FANCD2: variants seen among roughly 807,000 people sequenced by gnomAD.
The protein encoded by FANCD2 is Fanconi anemia group D2 protein.
A neutral mutation model predicts 192.3 loss-of-function variants in FANCD2; 131 were observed. The ratio of observed to expected loss-of-function variants is 0.68; its 90% CI spans 0.59 to 0.79. FANCD2 has a LOEUF of 0.79. Among genes scored for constraint, FANCD2 ranks in the 30% least tolerant of loss-of-function variants. The pLI, the probability that FANCD2 is intolerant of heterozygous loss-of-function variation, is 0.00. For synonymous variants in FANCD2, 524 were observed against 612.5 expected (o/e 0.86, Z 2.13); for missense variants, 1,508 against 1,701.6 (o/e 0.89, Z 2.00).
intron 24 of FANCD2, 136 bp downstream of exon 24, chr3:10,065,630 C>A: frequency 1.3e-6 from 1 of 748,468 alleles, no homozygotes; most frequent in Non-Finnish European, 2.4e-6. Context: ...ATTGGAATTC[C>A]AAAGACAAAA....
chr3:10,058,031 A>G, intron 18 of FANCD2: 2 of 467,962 alleles, frequency 4.3e-6, no homozygotes, highest in Middle Eastern at 5.4e-4. Context: ...TGCCTTCTTA[A>G]TTCCGGCAAA....
In FANCD2 at chr3:10,086,146, A is replaced by G. The variant is rs35668731; in HGVS notation, c.3335+224A>G. Among the ~76,000 whole-genome samples, 604 of 152,372 alleles carry G rather than the reference A, an allele frequency of 4.0e-3. 17 individuals carry two copies. The South Asian group carries it at 0.058, about 15-fold the overall frequency. ...TAAATCTTCATGAATGCATCAGCCC[A>G]TAAACTCAGCCTTTTCAAGTAATAA... On this transcript the variant is annotated intron_variant, in intron 33 of 43. Transcript: ENST00000675286.
rs755748094 is a variant in FANCD2, at chr3:10,085,877, G to A, written c.3290G>A (p.Arg1097Gln). The change falls in exon 33 of 44, where the codon CGA becomes CAA. Residue 1097 changes from arginine to glutamine, a missense_variant. Arg to Gln is a conservative substitution (Grantham distance 43, BLOSUM62 1). Transcript: ENST00000675286. ...TCAGCCCTCCATGTCCTTAGTAGCC[G>A]ACTGAAACAGGGAGAACACAGCCAG... ...LYSALHVLSSRLKQGEHSQPL... is the reference protein window; with the variant it reads ...LYSALHVLSSQLKQGEHSQPL... 84 of 1,613,490 alleles carry A rather than the reference G, an allele frequency of 5.2e-5. No homozygotes were observed. Among genetic ancestry groups the A allele is most frequent in the Middle Eastern group, 1.6e-4 (1 of 6,082 alleles).
intron 14 of FANCD2, among the ~76,000 whole-genome samples, chr3:10,044,315 C>CA (rs1312012303): frequency 6.6e-6 from 1 of 151,986 alleles, no homozygotes; most frequent in Non-Finnish European, 1.5e-5. Flanking sequence ...TGTCCACTGT[C>CA]AAGGCAGTGG....
chr3:10,070,183 C>T (rs1693124430), intron 26 of FANCD2, among the ~76,000 whole-genome samples: 5 of 148,396 alleles, frequency 3.4e-5, no homozygotes, highest in African/African-American at 5.0e-5. Flanking sequence ...ACCCTCCGCC[C>T]GGCAACCGCC....
intron 23 of FANCD2, among the ~76,000 whole-genome samples, 190 bp downstream of exon 23, chr3:10,065,065 T>C (rs2087679910): frequency 6.6e-6 from 1 of 152,212 alleles, no homozygotes; most frequent in African/African-American, 2.4e-5. Flanking sequence ...TATTGCCTTG[T>C]GTGAGCCAAC....
intron 9 of FANCD2, 118 bp downstream of exon 9, chr3:10,039,963 C>G (rs888696652): frequency 5.4e-6 from 6 of 1,114,070 alleles, no homozygotes; most frequent in Non-Finnish European, 6.6e-6. Flanking sequence ...ATGATACCCC[C>G]CTTCATGAGT....
At position 10,039,372 on chromosome 3, in the gene FANCD2, T is replaced by C. The variant is rs773525589; in HGVS notation, c.570+15T>C. ...TGGATGGCAAGGTAGGCTTATGGACTTTATCTCTTGAATTTAAAGAGTATG... is the reference window on the plus strand; with the variant it reads ...TGGATGGCAAGGTAGGCTTATGGACCTTATCTCTTGAATTTAAAGAGTATG... On this transcript the variant is annotated intron_variant, in intron 8 of 43. Coordinates refer to ENST00000675286, the MANE Select transcript of FANCD2 (RefSeq NM_001018115.3). 2 of 1,595,364 alleles carry C rather than the reference T, an allele frequency of 1.3e-6. No homozygotes were observed. The highest frequency in any genetic ancestry group is 8.6e-7 in the Non-Finnish European group (1 of 1,163,212).
Position 10,078,154 on chromosome 3 carries a change from G to C in FANCD2, c.2933G>C (p.Ser978Thr). 2 of 1,613,820 alleles carry C rather than the reference G, an allele frequency of 1.2e-6. No individual in the cohort carries two copies. Among genetic ancestry groups the C allele is most frequent in the South Asian group, 1.1e-5 (1 of 91,086 alleles). Residue 978 changes from serine to threonine, a missense_variant, in exon 30 of 44, where the codon AGT (serine) becomes ACT (threonine). By Grantham distance (58) the Ser-to-Thr change is moderately conservative (BLOSUM62 1). Around this residue, in one of 5 missense-constraint regions of FANCD2, gnomAD observed 796 missense variants for 879.4 expected, o/e 0.91. Coordinates refer to ENST00000675286, the MANE Select transcript of FANCD2 (RefSeq NM_001018115.3). ...GAAGATCTCTCCCAGAAGCTGGAGAGTATGCTGACACCTCCTATTGCCAGG... is the reference window on the plus strand; with the variant it reads ...GAAGATCTCTCCCAGAAGCTGGAGACTATGCTGACACCTCCTATTGCCAGG... ...LLEDLSQKLE[S>T]MLTPPIARRV...
chr3:10,028,307 T>C (rs1441220423), intron 1 of FANCD2, among the ~76,000 whole-genome samples: 1 of 152,164 alleles, frequency 6.6e-6, no homozygotes, highest in Non-Finnish European at 1.5e-5. Flanking sequence ...TAACATATAG[T>C]ATTGAAATCA....
chr3:10,074,290 T>C (rs1444707588), intron 28 of FANCD2, among the ~76,000 whole-genome samples: 5 of 152,188 alleles, frequency 3.3e-5, no homozygotes, highest in Admixed American at 3.3e-4. Flanking sequence ...ATTTGCCTAA[T>C]AGATCATCCC....
At chr3:10,040,909 G>A (rs374444841) in intron 9 of FANCD2, 5 of 181,004 alleles carry the variant, frequency 2.8e-5, no homozygotes, top group Admixed American at 2.4e-4. Context: ...ATCTGTCACC[G>A]TCTGTTGGGC....
Position 10,028,630 on chromosome 3 carries a change from A to G in FANCD2, c.-28A>G. The G allele has an allele frequency of 6.2e-7, 1 of 1,604,476 alleles. No individual in the cohort carries two copies. The highest frequency in any genetic ancestry group is 1.7e-5 in the Admixed American group (1 of 60,012). ...GTTTCCCGATTTTGCTCTAGGAAGT[A>G]ATTTAAGTGCACAAGACATTGGTCA... On this transcript the variant is annotated 5_prime_UTR_variant, in exon 2 of 44. Transcript: ENST00000675286.
At chr3:10,099,713 ATGCTACTGCACTCCAGCC>A (rs1695192221) in intron 43 of FANCD2, 1 of 152,602 alleles carries the variant, frequency 6.6e-6, no homozygotes, top group Admixed American at 6.5e-5. Context: ...AGCCGAGATC[ATGCTACTGCACTCCAGCC>A]TGGGCAACAG....
intron 34 of FANCD2, 147 bp downstream of exon 34, chr3:10,087,411 C>T (rs1269468520): frequency 1.3e-6 from 1 of 758,264 alleles, no homozygotes; most frequent in South Asian, 1.8e-5. Context: ...CCAAGAAGGT[C>T]ATTTTCCCAG....
chr3:10,030,232 G>A (rs569268842), intron 2 of FANCD2, among the ~76,000 whole-genome samples: 1 of 152,106 alleles, frequency 6.6e-6, no homozygotes, highest in Admixed American at 6.5e-5. Context: ...AAGTAGCTGG[G>A]ATTACATGTA....
intron 20 of FANCD2, among the ~76,000 whole-genome samples, chr3:10,063,173 G>T (rs762271650): frequency 6.6e-6 from 1 of 151,744 alleles, no homozygotes; most frequent in Non-Finnish European, 1.5e-5. Context: ...GGTGGTTTGC[G>T]ATTGTAATCC....
intron 14 of FANCD2, among the ~76,000 whole-genome samples, chr3:10,044,883 A>C (rs1273128050): frequency 6.6e-6 from 1 of 152,106 alleles, no homozygotes; most frequent in African/African-American, 2.4e-5. Context: ...GTATAAATAT[A>C]ATTTGTATTC....
rs2125006097 is a variant in FANCD2, at chr3:10,049,368, G to C, written c.1414-6G>C. On this transcript the variant is annotated splice_polypyrimidine_tract_variant and splice_region_variant and intron_variant, in intron 16 of 43. Transcript: ENST00000675286. ...TACACTGTTCTGTTGACTCTCCCCT[G>C]TATAGGAAGTGGTTGGTGCCTTAGT... The C allele has an allele frequency of 8.1e-6, 13 of 1,606,774 alleles. No individual in the cohort carries two copies. Among genetic ancestry groups the C allele is most frequent in the Non-Finnish European group, 1.1e-5 (13 of 1,175,156 alleles).
Sources: allele counts gnomAD v4.1 joint callset (sites outside exome capture counted in the v4.1 genomes callset), GRCh38; gene constraint gnomAD v4.1.1; regional missense constraint gnomAD v4.1.1; transcripts MANE v1.5; gene names NCBI Gene and HGNC (gene_info 2026-07-23, HGNC 2026-07-21).